The following RBKS variants were observed in gnomAD, a reference collection of about 807,000 sequenced individuals.
RBKS encodes ribokinase.
A neutral mutation model predicts 33.9 loss-of-function variants in RBKS; 33 were observed. The ratio of observed to expected loss-of-function variants is 0.97; its 90% CI spans 0.74 to 1.30. RBKS has a LOEUF of 1.30. Among genes scored for constraint, RBKS ranks in the 50% most tolerant of loss-of-function variants. The probability of loss-of-function intolerance (pLI) is 0.00; values close to 1 mark genes in which losing one functional copy is unlikely to be tolerated. For synonymous variants in RBKS, 125 were observed against 143.0 expected, an observed-to-expected ratio of 0.87 and a Z score of 0.90; for missense variants, 361 against 392.6, an observed-to-expected ratio of 0.92 and a Z score of 0.68.
chr2:27,787,093 A>T lies in RBKS; in HGVS notation c.796-5305T>A, dbSNP rs192918024. On this transcript the variant is annotated intron_variant, in intron 7 of 7. Transcript: ENST00000302188. ...TGCCTTTGTCTCCCAGACTCAAGCA[A>T]TCCTTCCACCTCAGCCTCCTGAGTA... Among the ~76,000 whole-genome samples, 180 of 152,262 alleles carry T rather than the reference A, an allele frequency of 1.2e-3. 2 individuals carry two copies. The East Asian group carries it at 0.03, about 25-fold the overall frequency.
At chr2:27,881,454 T>C (rs1016467820) in intron 1 of RBKS, among the ~76,000 whole-genome samples, 1 of 151,428 alleles carries the variant, frequency 6.6e-6, no homozygotes, top group Non-Finnish European at 1.5e-5. Flanking sequence ...GGCAGGAGAA[T>C]TGCTTGAATC....
intron 4 of RBKS, among the ~76,000 whole-genome samples, chr2:27,844,790 C>T (rs1293712122): frequency 6.6e-6 from 1 of 152,164 alleles, no homozygotes; most frequent in Non-Finnish European, 1.5e-5. Flanking sequence ...TTCCTTTTTA[C>T]TTTTTAAAAT....
chr2:27,864,800 A>C (rs906956031), intron 1 of RBKS, among the ~76,000 whole-genome samples: 2 of 152,232 alleles, frequency 1.3e-5, no homozygotes, highest in African/African-American at 4.8e-5. Flanking sequence ...CCTATATAGG[A>C]CATTTCACAC....
intron 1 of RBKS, among the ~76,000 whole-genome samples, chr2:27,876,989 T>G (rs183858974): frequency 1.3e-5 from 2 of 152,314 alleles, no homozygotes; most frequent in Admixed American, 1.3e-4. Flanking sequence ...GTCAAACTTC[T>G]GAAATGCTAC....
chr2:27,864,193 A>AT (rs35030962), intron 1 of RBKS, among the ~76,000 whole-genome samples: 19 of 148,020 alleles, frequency 1.3e-4, no homozygotes, highest in African/African-American at 2.2e-4. Flanking sequence ...TGCCCAACTA[A>AT]TTTTTTTTTT....
intron 1 of RBKS, among the ~76,000 whole-genome samples, chr2:27,873,459 C>A (rs190292530): frequency 1.6e-4 from 25 of 152,222 alleles, no homozygotes; most frequent in African/African-American, 6.0e-4. Context: ...ATGGTCTTGA[C>A]AGAATACCAA....
chr2:27,823,923 T>C (rs2148200673), intron 7 of RBKS, among the ~76,000 whole-genome samples: 1 of 152,316 alleles, frequency 6.6e-6, no homozygotes, highest in East Asian at 1.9e-4. Context: ...AATTCACTCT[T>C]TAAAGGGGTA....
intron 1 of RBKS, among the ~76,000 whole-genome samples, chr2:27,889,749 GAC>G (rs1158198911): frequency 7.2e-5 from 11 of 152,214 alleles, no homozygotes; most frequent in Non-Finnish European, 1.2e-4. Flanking sequence ...GGTGAAAGGT[GAC>G]AGTCTTTTTG....
At chr2:27,811,387 A>G (rs1052134556) in intron 7 of RBKS, among the ~76,000 whole-genome samples, 4 of 152,240 alleles carry the variant, frequency 2.6e-5, no homozygotes, top group African/African-American at 9.6e-5. Flanking sequence ...AGTGTGCTGA[A>G]TAAGAAAGTG....
intron 7 of RBKS, among the ~76,000 whole-genome samples, chr2:27,786,792 AAAAG>A (rs755448954): frequency 0.26 from 37,247 of 143,574 alleles, 5,209 homozygotes; most frequent in East Asian, 0.61. Context: ...AAAAAAAAAA[AAAAG>A]AAAGAAAGTT....
intron 1 of RBKS, among the ~76,000 whole-genome samples, chr2:27,885,970 CATT>C (rs990108121): frequency 1.2e-4 from 18 of 152,246 alleles, no homozygotes; most frequent in East Asian, 7.7e-4. Flanking sequence ...AATATTCACA[CATT>C]GTTGTTTTGT....
At chr2:27,872,236 A>G (rs989656340) in intron 1 of RBKS, among the ~76,000 whole-genome samples, 1 of 152,232 alleles carries the variant, frequency 6.6e-6, no homozygotes, top group African/African-American at 2.4e-5. Context: ...AGTGTTCTAA[A>G]GAGCCGTTTA....
chr2:27,821,480 C>G (rs191709047), intron 7 of RBKS, among the ~76,000 whole-genome samples: 1 of 152,096 alleles, frequency 6.6e-6, no homozygotes, highest in East Asian at 1.9e-4. Context: ...TATGACTATG[C>G]ATAGAAAAAA....
chr2:27,871,363 C>T (rs1393582392), intron 1 of RBKS, among the ~76,000 whole-genome samples: 2 of 152,156 alleles, frequency 1.3e-5, no homozygotes, highest in Non-Finnish European at 2.9e-5. Context: ...TTCATGGCTT[C>T]GTTGGATAGC....
At chr2:27,874,900 C>T (rs1387812289) in intron 1 of RBKS, among the ~76,000 whole-genome samples, 1 of 152,188 alleles carries the variant, frequency 6.6e-6, no homozygotes, top group Non-Finnish European at 1.5e-5. Flanking sequence ...TCTTAAAATT[C>T]TCCTTTCACT....
chr2:27,837,130 C>T lies in RBKS; in HGVS notation c.515-4353G>A, dbSNP rs1252117732. 4.6e-5 allele frequency among the ~76,000 whole-genome samples: 7 copies of T among 151,826 alleles called. No individual in the cohort carries two copies. Among genetic ancestry groups the T allele is most frequent in the African/African-American group, 7.3e-5 (3 of 41,224 alleles). The stretch of plus-strand genomic sequence containing the variant: ...CTACTAAAAATACAAAAATATTAGC[C>T]GGGCATGGTGGCAGGTGCCTGTAGT... On this transcript the variant is annotated intron_variant, in intron 5 of 7. Coordinates refer to ENST00000302188, the MANE Select transcript of RBKS (RefSeq NM_022128.3). This position sits in a 1 kb window ranked among gnomAD's most constrained non-coding sequence, Gnocchi z 4.0.
At chr2:27,889,907 G>T (rs979672807) in intron 1 of RBKS, 8 of 236,216 alleles carry the variant, frequency 3.4e-5, no homozygotes, top group Non-Finnish European at 5.7e-5. Context: ...GTAAAATGAC[G>T]TGGGCAAAGT....
chr2:27,803,986 A>T (rs1677850180), intron 7 of RBKS, among the ~76,000 whole-genome samples: 2 of 152,070 alleles, frequency 1.3e-5, no homozygotes, highest in Admixed American at 6.5e-5. Context: ...AGGTTGTTGT[A>T]AGCTGAGATC....
Position 27,858,466 on chromosome 2 carries a change from A to G in RBKS, c.195T>C (p.Leu65=). 1.2e-6 allele frequency: 2 copies of G among 1,614,064 alleles called. No individual in the cohort carries two copies. The highest frequency in any genetic ancestry group is 1.7e-6 in the Non-Finnish European group (2 of 1,179,968). ...TACACACCATGGACGTCATTGCTCC[A>G]AGCCGAGCAGCTTGGACACACTGGT... The part of the protein sequence containing the change: ...GANQCVQAAR[L]GAMTSMVCKV... Residue 65 remains leucine, a synonymous_variant, in exon 2 of 8, where the codon CTT becomes CTC. Transcript: ENST00000302188.
Sources: allele counts gnomAD v4.1 joint callset (sites outside exome capture counted in the v4.1 genomes callset), GRCh38; gene constraint gnomAD v4.1.1; non-coding constraint Gnocchi (gnomAD v3.1); transcripts MANE v1.5; gene names NCBI Gene and HGNC (gene_info 2026-07-23, HGNC 2026-07-21).